Variants in KDM2B observed in about 807,000 individuals in gnomAD.
KDM2B encodes the protein lysine-specific demethylase 2B.
KDM2B carries 26 observed loss-of-function variants against 150.0 expected under a neutral mutation model. The ratio of observed to expected loss-of-function variants is 0.17; its 90% CI spans 0.13 to 0.24. KDM2B has a LOEUF of 0.24. Ranked by LOEUF, KDM2B falls within the 10% of genes least tolerant of loss-of-function variation. The pLI, the probability that KDM2B is intolerant of heterozygous loss-of-function variation, is 1.00. For synonymous variants in KDM2B, 734 were observed against 729.5 expected (o/e 1.01, Z -0.10); for missense variants, 1,265 against 1,816.9 (o/e 0.70, Z 5.52).
downstream of KDM2B, among the ~76,000 whole-genome samples, chr12:121,426,612 T>G (rs1872523644): frequency 6.9e-6 from 1 of 145,636 alleles, no homozygotes; most frequent in African/African-American, 2.5e-5. Flanking sequence ...CCTGGATAAT[T>G]TTAAACAATT....
intron 1 of KDM2B, chr12:121,579,532 G>C (rs367955375): frequency 4.1e-5 from 51 of 1,235,290 alleles, no homozygotes; most frequent in Non-Finnish European, 5.3e-6. Context: ...AGAGGAGGTG[G>C]GGGGAGGAGA....
intron 17 of KDM2B, chr12:121,443,363 G>C: frequency 1.7e-6 from 1 of 576,394 alleles, no homozygotes; most frequent in Non-Finnish European, 3.1e-6. Flanking sequence ...CCCCGGCCCA[G>C]CAGGAATGGC....
chr12:121,552,939 A>G lies in KDM2B; in HGVS notation c.398-3301T>C, dbSNP rs555654284. ...CACCTGGCAGAAACCCTGCTGTCAG[A>G]ACCCCAGTACCAGCCGGGCACGGTG... is the stretch of plus-strand genomic sequence containing the variant. On this transcript the variant is annotated intron_variant, in intron 4 of 22. Transcript: ENST00000377071. 3.9e-5 allele frequency among the ~76,000 whole-genome samples: 6 copies of G among 152,104 alleles called. No homozygotes were observed. The East Asian group carries it at 1.2e-3, about 30-fold the overall frequency.
chr12:121,495,346 A>C (rs1390322002), intron 11 of KDM2B, among the ~76,000 whole-genome samples: 2 of 152,182 alleles, frequency 1.3e-5, no homozygotes, highest in East Asian at 3.8e-4. Flanking sequence ...TTTTTAGTAC[A>C]GACAGGATTT....
At chr12:121,443,986 G>T in intron 16 of KDM2B, 26 bp downstream of exon 16, 4 of 1,581,452 alleles carry the variant, frequency 2.5e-6, no homozygotes, top group Non-Finnish European at 3.4e-6. Flanking sequence ...CAACCCCTTT[G>T]CCTCCCAGCC....
intron 11 of KDM2B, among the ~76,000 whole-genome samples, chr12:121,499,372 C>T (rs959494987): frequency 3.3e-4 from 50 of 150,722 alleles, no homozygotes; most frequent in African/African-American, 1.1e-3. Flanking sequence ...CCACCCACCT[C>T]GGCCTCCCAA....
At chr12:121,569,546 A>C (rs1446134492) in intron 4 of KDM2B, among the ~76,000 whole-genome samples, 1 of 152,200 alleles carries the variant, frequency 6.6e-6, no homozygotes, top group African/African-American at 2.4e-5. Context: ...TTACGACCTA[A>C]GTCTATGAAT....
chr12:121,432,466 C>T (rs1009429458), intron 22 of KDM2B, among the ~76,000 whole-genome samples: 1 of 152,100 alleles, frequency 6.6e-6, no homozygotes, highest in East Asian at 1.9e-4. Context: ...ATTTGAACTC[C>T]TGGTCTCAAG....
intron 11 of KDM2B, among the ~76,000 whole-genome samples, chr12:121,507,168 C>A (rs1421750949): frequency 6.8e-6 from 1 of 147,612 alleles, no homozygotes; most frequent in Non-Finnish European, 1.5e-5. Flanking sequence ...ACAAAAAAGA[C>A]AGCGTGGGCA....
intron 4 of KDM2B, among the ~76,000 whole-genome samples, chr12:121,570,235 A>G (rs1364126110): frequency 2.0e-5 from 3 of 151,818 alleles, no homozygotes; most frequent in Non-Finnish European, 4.4e-5. Context: ...TATTTTTAGT[A>G]GGGACAGGGT....
chr12:121,412,922 G>A, the KDM2B span, among the ~76,000 whole-genome samples: 7 of 151,198 alleles, frequency 4.6e-5, no homozygotes, highest in African/African-American at 1.7e-4. Context: ...TCACCATGTT[G>A]GCCAGGCTGG....
rs782468982 is a variant in KDM2B, at chr12:121,534,507, C to T, written c.767G>A (p.Arg256Gln). 32 of 1,613,586 alleles carry T rather than the reference C, an allele frequency of 2.0e-5. No homozygotes were observed. Among genetic ancestry groups the T allele is most frequent in the Non-Finnish European group, 2.4e-5 (28 of 1,179,708 alleles). ...GGTSVWYHVF[R>Q]GGKIFWLIPP... ...GCAACTGAAACTCACCTTCCCACCC[C>T]GGAAAACATGGTACCAAACGGAAGT... is the stretch of plus-strand genomic sequence containing the variant. Residue 256 changes from arginine to glutamine, a missense_variant, in exon 7 of 23, where the codon CGG becomes CAG. Physicochemically the swap from Arg to Gln is conservative, Grantham distance 43. Coordinates refer to ENST00000377071, the MANE Select transcript of KDM2B (RefSeq NM_032590.5).
At chr12:121,455,955 C>A (rs1379142962) in intron 12 of KDM2B, among the ~76,000 whole-genome samples, 2 of 152,208 alleles carry the variant, frequency 1.3e-5, no homozygotes, top group African/African-American at 2.4e-5. Flanking sequence ...CAGCCAAGGC[C>A]AGGCAGGCAG....
intron 8 of KDM2B, among the ~76,000 whole-genome samples, chr12:121,530,207 A>G (rs1224890602): frequency 1.6e-4 from 24 of 148,468 alleles, no homozygotes; most frequent in African/African-American, 3.3e-4. Context: ...CAGCCTGGGC[A>G]ACAGAGCAAG....
chr12:121,443,106 C>A, intron 17 of KDM2B, 76 bp from the exon 18 acceptor site: 8 of 1,387,574 alleles, frequency 5.8e-6, no homozygotes, highest in Admixed American at 2.0e-5. Flanking sequence ...CCCCACCCCA[C>A]CACGAGTCCA....
chr12:121,512,920 G>T (rs549066481), intron 10 of KDM2B, among the ~76,000 whole-genome samples: 1 of 152,222 alleles, frequency 6.6e-6, no homozygotes, highest in Non-Finnish European at 1.5e-5. Flanking sequence ...CTCCAGTGCA[G>T]GAGGAAAAAT....
chr12:121,467,358 C>T lies in KDM2B; in HGVS notation c.1735-14014G>A. On this transcript the variant is annotated intron_variant, in intron 12 of 22. Transcript: ENST00000377071. This position sits in a 1 kb window ranked among gnomAD's most constrained non-coding sequence, Gnocchi z 5.1. ...CTGCCGCGAGGAGGGAGCCGCGCCG[C>T]GCGCCTCGCACGCCCGCGCTGGAGG... 1 of 981,422 alleles carries T rather than the reference C, an allele frequency of 1.0e-6. No homozygotes were observed. Among genetic ancestry groups the T allele is most frequent in the Non-Finnish European group, 1.2e-6 (1 of 828,292 alleles). 60.8% of individuals were successfully genotyped at this position (981,422 alleles called of 1,614,324 possible).
rs138823282 is a variant in KDM2B at position 121,457,739 on chromosome 12, TACACACACAC to T, written c.1735-4405_1735-4396del. On this transcript the variant is annotated intron_variant, in intron 12 of 22. Coordinates refer to ENST00000377071, the MANE Select transcript of KDM2B (RefSeq NM_032590.5). ...TGAAAGGTTAGGAAGATCGGAAACATACACACACACACACACACACACACACACACACACA... is the reference window on the plus strand; with the variant it reads ...TGAAAGGTTAGGAAGATCGGAAACATACACACACACACACACACACACACA... Among the ~76,000 whole-genome samples, 1,440 of 145,088 alleles carry T rather than the reference TACACACACAC, an allele frequency of 9.9e-3. 19 individuals are homozygous for T. Among genetic ancestry groups the T allele is most frequent in the African/African-American group, 0.032 (1,273 of 39,578 alleles).
Position 121,509,964 on chromosome 12 carries a change from T to C in KDM2B, c.1250A>G (p.Gln417Arg). The change falls in exon 11 of 23, where the codon CAG (glutamine) becomes CGG (arginine). Residue 417 changes from glutamine to arginine, a missense_variant. Physicochemically the swap from Gln to Arg is conservative, Grantham distance 43. This residue lies in a region of KDM2B where 154 missense variants were observed against 162.5 expected (regional missense o/e 0.95). Transcript: ENST00000377071. ...CTTCTCCTCCTCCTCCTGAGGCTGC[T>C]GATCACAGGCCTCCTCCTCCATCTC... The part of the protein sequence containing the change: ...WLEMEEEACD[Q>R]QPQEEEEKDE... 6.2e-7 allele frequency: 1 copy of C among 1,608,930 alleles called. No individual in the cohort carries two copies. The highest frequency in any genetic ancestry group is 8.5e-7 in the Non-Finnish European group (1 of 1,177,420).
Sources: allele counts gnomAD v4.1 joint callset (sites outside exome capture counted in the v4.1 genomes callset), GRCh38; gene constraint gnomAD v4.1.1; regional missense constraint gnomAD v4.1.1; non-coding constraint Gnocchi (gnomAD v3.1); transcripts MANE v1.5; gene names NCBI Gene and HGNC (gene_info 2026-07-23, HGNC 2026-07-21).